Variants in LIMD1 observed in about 807,000 individuals in gnomAD.
The protein encoded by LIMD1 is LIM domain-containing protein 1.
In LIMD1, 23 loss-of-function variants were observed where a neutral mutation model predicts 58.4. The ratio of observed to expected loss-of-function variants is 0.39; its 90% confidence interval spans 0.28 to 0.56. The LOEUF (loss-of-function observed/expected upper bound fraction) is 0.56. LIMD1 is among the 20% of genes least tolerant of loss of function. The pLI is 0.57. For synonymous variants in LIMD1, 334 were observed against 345.5 expected (o/e 0.97, Z 0.37); for missense variants, 838 against 855.5 (o/e 0.98, Z 0.25).
chr3:45,635,568 G>T (rs1461602029), intron 1 of LIMD1, among the ~76,000 whole-genome samples: 1 of 151,792 alleles, frequency 6.6e-6, no homozygotes, highest in Non-Finnish European at 1.5e-5. Context: ...AATCCTAGTT[G>T]GTGGTTCCCA....
chr3:45,596,110 G>T lies in LIMD1; in HGVS notation c.1231G>T (p.Asp411Tyr). The T allele has an allele frequency of 6.2e-7, 1 of 1,614,242 alleles. No homozygotes were observed. The highest frequency in any genetic ancestry group is 8.5e-7 in the Non-Finnish European group (1 of 1,180,040). The change falls in exon 1 of 8, where the codon GAT (aspartate) becomes TAT (tyrosine). Residue 411 changes from aspartate (D) to tyrosine (Y), a missense_variant. Asp to Tyr is a radical substitution (Grantham distance 160, BLOSUM62 -3). Coordinates refer to ENST00000273317, the MANE Select transcript of LIMD1 (RefSeq NM_014240.3). The stretch of plus-strand genomic sequence containing the variant: ...AGAGGGTCCCCTGGGCTGGTCTTCT[G>T]ATGGTAGCCTGGGATCTGTGCTCCT... Reference protein sequence around the residue: ...CKEGPLGWSSDGSLGSVLLDS... With the variant: ...CKEGPLGWSSYGSLGSVLLDS...
chr3:45,640,860 T>C (rs1701834690), intron 2 of LIMD1, among the ~76,000 whole-genome samples: 1 of 152,252 alleles, frequency 6.6e-6, no homozygotes, highest in African/African-American at 2.4e-5. Context: ...GCAGGGGCAT[T>C]GCTGTTTGCC....
intron 3 of LIMD1, among the ~76,000 whole-genome samples, chr3:45,668,082 T>C (rs1047472778): frequency 1.3e-5 from 2 of 152,194 alleles, no homozygotes; most frequent in African/African-American, 4.8e-5. Flanking sequence ...CAGTCATTGT[T>C]AGAGTGAGTG....
chr3:45,673,836 G>A (rs1428651732), intron 6 of LIMD1: 1 of 341,758 alleles, frequency 2.9e-6, no homozygotes, highest in Non-Finnish European at 5.5e-6. Context: ...GCTGCAGCGA[G>A]CTATGATGGT....
intron 1 of LIMD1, among the ~76,000 whole-genome samples, chr3:45,629,064 G>A (rs1195936478): frequency 6.6e-6 from 1 of 152,142 alleles, no homozygotes; most frequent in Non-Finnish European, 1.5e-5. Context: ...GGAATCTCTG[G>A]GGCAGTGGAT....
At chr3:45,619,834 C>G (rs974731930) in intron 1 of LIMD1, among the ~76,000 whole-genome samples, 9 of 135,830 alleles carry the variant, frequency 6.6e-5, no homozygotes, top group African/African-American at 2.1e-4. Context: ...CCCCGCCCCC[C>G]CCCCCAAAAA....
At chr3:45,607,511 G>T (rs547981688) in intron 1 of LIMD1, among the ~76,000 whole-genome samples, 14 of 152,170 alleles carry the variant, frequency 9.2e-5, no homozygotes, top group Middle Eastern at 6.8e-3. Flanking sequence ...CATCTCAGGG[G>T]TCTCTACCTC....
intron 3 of LIMD1, among the ~76,000 whole-genome samples, chr3:45,667,699 C>T (rs1214569156): frequency 6.6e-6 from 1 of 151,730 alleles, no homozygotes; most frequent in African/African-American, 2.4e-5. Context: ...TAACCAGAAC[C>T]GGAGTTGAAT....
At chr3:45,637,406 G>A (rs557855247) in intron 2 of LIMD1, among the ~76,000 whole-genome samples, 1 of 151,720 alleles carries the variant, frequency 6.6e-6, no homozygotes, top group Non-Finnish European at 1.5e-5. Context: ...ACAGCCTCCC[G>A]AGTAGCTGGG....
At chr3:45,651,834 G>A (rs9847280) in intron 2 of LIMD1, among the ~76,000 whole-genome samples, 42,991 of 151,616 alleles carry the variant, frequency 0.28, 6,608 homozygotes, top group East Asian at 0.54. Flanking sequence ...GTTTTGCCAC[G>A]TTGGCCAGGC....
Position 45,606,136 on chromosome 3 carries a change from T to C in LIMD1, c.1408+9849T>C, listed in dbSNP as rs552878000. Among the ~76,000 whole-genome samples, 8 of 152,354 alleles carry C rather than the reference T, an allele frequency of 5.3e-5. No homozygotes were observed. In the South Asian group the frequency reaches 1.7e-3, roughly 32 times the overall value. On this transcript the variant is annotated intron_variant, in intron 1 of 7. Coordinates refer to ENST00000273317, the MANE Select transcript of LIMD1 (RefSeq NM_014240.3). ...CTTCTTATGCTTTACTCACCTGTATTACGTTGTTCAATCCTCCCAACAACC... is the reference window on the plus strand; with the variant it reads ...CTTCTTATGCTTTACTCACCTGTATCACGTTGTTCAATCCTCCCAACAACC...
At position 45,604,148 on chromosome 3, in the gene LIMD1, G is replaced by A. The variant is rs574569250; in HGVS notation, c.1408+7861G>A. Reference sequence around the variant, plus strand: ...GAATGGAGATCGTGTGGCTGACCTGGGTGAAGCTTGGGCTGGAGACAGCAA... The same window carrying A: ...GAATGGAGATCGTGTGGCTGACCTGAGTGAAGCTTGGGCTGGAGACAGCAA... On this transcript the variant is annotated intron_variant, in intron 1 of 7. Coordinates refer to ENST00000273317, the MANE Select transcript of LIMD1 (RefSeq NM_014240.3). Among the ~76,000 whole-genome samples, 3 of 152,346 alleles carry A rather than the reference G, an allele frequency of 2.0e-5. No individual in the cohort carries two copies. The East Asian group carries it at 5.8e-4, about 29-fold the overall frequency.
intron 4 of LIMD1, among the ~76,000 whole-genome samples, chr3:45,670,396 A>ATGC (rs1323486290): frequency 1.3e-5 from 2 of 149,164 alleles, no homozygotes; most frequent in Non-Finnish European, 3.0e-5. Flanking sequence ...ATTTATCATC[A>ATGC]TGCTTCATGC....
chr3:45,676,113 G>A (rs767046765), intron 7 of LIMD1, among the ~76,000 whole-genome samples: 17 of 152,030 alleles, frequency 1.1e-4, no homozygotes, highest in Non-Finnish European at 1.9e-4. Context: ...ATGTGTTGGC[G>A]CGTGCATAAT....
intron 2 of LIMD1, among the ~76,000 whole-genome samples, chr3:45,661,863 T>C (rs1328982563): frequency 6.6e-6 from 1 of 152,184 alleles, no homozygotes; most frequent in East Asian, 1.9e-4. Flanking sequence ...GCACAAGTGA[T>C]CCTCCTAGCT....
At chr3:45,598,396 C>T (rs1459811021) in intron 1 of LIMD1, among the ~76,000 whole-genome samples, 1 of 152,212 alleles carries the variant, frequency 6.6e-6, no homozygotes, top group Non-Finnish European at 1.5e-5. Context: ...TTGTAAATTT[C>T]AAGCTCATTG....
At position 45,672,699 on chromosome 3, in the gene LIMD1, G is replaced by A. The variant is rs1465596665; in HGVS notation, c.1651G>A (p.Ala551Thr). The stretch of plus-strand genomic sequence containing the variant: ...TTGGTCTCTGCTCCAGATCCTGCAA[G>A]CCCTGGGGAAGTCCTACCACCCCGG... ...GHLIMDMILQ[A>T]LGKSYHPGCF... Residue 551 changes from alanine (A) to threonine (T), a missense_variant, in exon 5 of 8, where the codon GCC becomes ACC. Ala to Thr is a moderately conservative substitution (Grantham distance 58). Coordinates refer to ENST00000273317, the MANE Select transcript of LIMD1 (RefSeq NM_014240.3). The A allele has an allele frequency of 6.2e-7, 1 of 1,613,660 alleles. No homozygotes were observed. The highest frequency in any genetic ancestry group is 8.5e-7 in the Non-Finnish European group (1 of 1,179,924).
chr3:45,660,803 G>T (rs1010644968), intron 2 of LIMD1, among the ~76,000 whole-genome samples: 3 of 152,180 alleles, frequency 2.0e-5, no homozygotes, highest in African/African-American at 7.2e-5. Flanking sequence ...GGTGTCCGAC[G>T]TGGGAAAAGT....
At chr3:45,630,576 C>T (rs1056106824) in intron 1 of LIMD1, among the ~76,000 whole-genome samples, 7 of 151,986 alleles carry the variant, frequency 4.6e-5, no homozygotes, top group Non-Finnish European at 8.8e-5. Context: ...GAAAGATGGT[C>T]GTGTGTGCAA....
Sources: allele counts gnomAD v4.1 joint callset (sites outside exome capture counted in the v4.1 genomes callset), GRCh38; gene constraint gnomAD v4.1.1; transcripts MANE v1.5; gene names NCBI Gene and HGNC (gene_info 2026-07-23, HGNC 2026-07-21).